Variants in KANK1 observed in about 807,000 individuals in gnomAD.
The protein encoded by KANK1 is KN motif and ankyrin repeat domain-containing protein 1.
In KANK1, 109 loss-of-function variants were observed where a neutral mutation model predicts 106.2. The observed-to-expected ratio is 1.03, with a 90% CI of 0.88 to 1.20. The LOEUF (loss-of-function observed/expected upper bound fraction) is 1.20. KANK1 is among the 50% of genes most tolerant of loss of function. The pLI is 0.00. For synonymous variants in KANK1, 873 were observed against 652.2 expected, an observed-to-expected ratio of 1.34 and a Z score of -5.16; for missense variants, 2,399 against 1,710.7, an observed-to-expected ratio of 1.40 and a Z score of -7.10.
rs142389102 is a variant in KANK1 at position 640,226 on chromosome 9, G to A, written c.-83-36664G>A. ...TCTGAATGGAAACTCCTTTTTGGGG[G>A]GCACACATCATTTTTATTTTATTTT... On this transcript the variant is annotated intron_variant, in intron 1 of 11. Coordinates refer to ENST00000382297, the MANE Select transcript of KANK1 (RefSeq NM_015158.5). Among the ~76,000 whole-genome samples, 84 of 152,060 alleles carry A rather than the reference G, an allele frequency of 5.5e-4. No homozygotes were observed. The South Asian group carries it at 0.013, about 24-fold the overall frequency.
intron 1 of KANK1, among the ~76,000 whole-genome samples, chr9:620,001 G>T (rs1832756208): frequency 6.6e-6 from 1 of 152,082 alleles, no homozygotes; most frequent in Non-Finnish European, 1.5e-5. Context: ...GCCTAGTGTG[G>T]TGGTGTGCGC....
chr9:624,887 G>A (rs912654337), intron 1 of KANK1, among the ~76,000 whole-genome samples: 1 of 152,218 alleles, frequency 6.6e-6, no homozygotes, highest in African/African-American at 2.4e-5. Context: ...CCATCTCTGA[G>A]GAAAAGGGGT....
intron 3 of KANK1, among the ~76,000 whole-genome samples, chr9:498,760 A>G (rs1030382620): frequency 3.3e-5 from 5 of 152,244 alleles, no homozygotes; most frequent in Non-Finnish European, 7.3e-5. Context: ...ATCTATAATC[A>G]AAAAGAGGAT....
At chr9:695,508 C>G (rs1259517181) in intron 2 of KANK1, among the ~76,000 whole-genome samples, 1 of 152,162 alleles carries the variant, frequency 6.6e-6, no homozygotes, top group East Asian at 1.9e-4. Context: ...GCATCTCCTT[C>G]ATACACTCTT....
intron 1 of KANK1, among the ~76,000 whole-genome samples, chr9:567,831 C>T (rs947419465): frequency 2.6e-5 from 4 of 152,252 alleles, no homozygotes; most frequent in East Asian, 1.9e-4. Flanking sequence ...CATTTGAGTA[C>T]GTTCTTGCAG....
At position 541,748 on chromosome 9, in the gene KANK1, A is replaced by G. The variant is rs182084036; in HGVS notation, c.-84+36994A>G. Among the ~76,000 whole-genome samples, 140 of 152,366 alleles carry G rather than the reference A, an allele frequency of 9.2e-4. 1 individual carries two copies. Among genetic ancestry groups the G allele is most frequent in the African/African-American group, 3.1e-3 (129 of 41,586 alleles). On this transcript the variant is annotated intron_variant, in intron 1 of 11. Coordinates refer to ENST00000382297, the MANE Select transcript of KANK1 (RefSeq NM_015158.5). Reference sequence around the variant, plus strand: ...GATAAGGGGTTAATATATAAAATATACAAGGAACCCATACAACTCAATAGC... The same window carrying G: ...GATAAGGGGTTAATATATAAAATATGCAAGGAACCCATACAACTCAATAGC...
Position 602,888 on chromosome 9 carries a change from C to T in KANK1, c.-83-74002C>T, listed in dbSNP as rs184814276. ...ATTTTTCATATTTTTGCTATTACAT[C>T]TCAACTCTTGAAGAGCTATTTCTGT... On this transcript the variant is annotated intron_variant, in intron 1 of 11. Transcript: ENST00000382297. Among the ~76,000 whole-genome samples the T allele has an allele frequency of 1.2e-4, 18 of 151,988 alleles. 1 individual carries two copies. The highest frequency in any genetic ancestry group is 9.8e-4 in the Admixed American group (15 of 15,292).
intron 1 of KANK1, among the ~76,000 whole-genome samples, chr9:571,054 T>C (rs1280648437): frequency 6.6e-6 from 1 of 152,178 alleles, no homozygotes; most frequent in East Asian, 1.9e-4. Context: ...TTTTGTCAAA[T>C]TGATTTCTTG....
chr9:524,556 C>A (rs1159875561), intron 1 of KANK1, among the ~76,000 whole-genome samples: 1 of 151,676 alleles, frequency 6.6e-6, no homozygotes, highest in Non-Finnish European at 1.5e-5. Flanking sequence ...CTTGGCCTGT[C>A]ACCCAGGCTG....
intron 1 of KANK1, among the ~76,000 whole-genome samples, chr9:673,180 A>ACACC (rs1588788248): frequency 6.7e-6 from 1 of 148,750 alleles, no homozygotes; most frequent in East Asian, 2.0e-4. Context: ...GCCAGGATTC[A>ACACC]CACCCAGTGA....
At chr9:667,114 T>A (rs748211680) in intron 1 of KANK1, among the ~76,000 whole-genome samples, 5 of 151,818 alleles carry the variant, frequency 3.3e-5, no homozygotes, top group Non-Finnish European at 5.9e-5. Flanking sequence ...ATTATAGCTT[T>A]GATCTTATTA....
At chr9:633,412 C>T (rs555518600) in intron 1 of KANK1, among the ~76,000 whole-genome samples, 7 of 152,182 alleles carry the variant, frequency 4.6e-5, no homozygotes, top group South Asian at 2.1e-4. Context: ...GAGCCGTGAT[C>T]GCGCCCCTGC....
intron 1 of KANK1, among the ~76,000 whole-genome samples, chr9:671,645 A>G (rs1211109617): frequency 1.3e-5 from 1 of 78,592 alleles, no homozygotes; most frequent in Non-Finnish European, 2.2e-5. Flanking sequence ...CTGGTTAAGT[A>G]CTGAGAAGCA....
At chr9:630,730 T>C (rs971127481) in intron 1 of KANK1, among the ~76,000 whole-genome samples, 17 of 151,076 alleles carry the variant, frequency 1.1e-4, no homozygotes, top group African/African-American at 4.1e-4. Flanking sequence ...GGTAAAACCC[T>C]GTGTCTACTA....
At position 731,224 on chromosome 9, in the gene KANK1, A is replaced by G. The variant is rs769214044; in HGVS notation, c.2963A>G (p.Asn988Ser). The change falls in exon 5 of 12, where the codon AAT (asparagine) becomes AGT (serine). Residue 988 changes from asparagine to serine, a missense_variant. Transcript: ENST00000382297. ...AAGAAAGATGGTAACAAAGATTCAA[A>G]TGGCGCAAAAAAGAATCTTCAGTTT... is the stretch of plus-strand genomic sequence containing the variant. Reference protein sequence around the residue: ...MKKKDGNKDSNGAKKNLQFVG... With the variant: ...MKKKDGNKDSSGAKKNLQFVG... 4.3e-6 allele frequency: 7 copies of G among 1,611,806 alleles called. No individual in the cohort carries two copies. The East Asian group carries it at 6.7e-5, about 15-fold the overall frequency.
intron 1 of KANK1, among the ~76,000 whole-genome samples, chr9:534,502 C>A (rs568003402): frequency 3.7e-4 from 57 of 152,308 alleles, no homozygotes; most frequent in African/African-American, 1.4e-3. Context: ...AAATCTGGAC[C>A]ATGTTGGCAG....
At chr9:515,640 C>T (rs2133027295) in intron 1 of KANK1, among the ~76,000 whole-genome samples, 1 of 151,918 alleles carries the variant, frequency 6.6e-6, no homozygotes, top group Non-Finnish European at 1.5e-5. Context: ...TTTTGCCTTT[C>T]ACTTTGACAT....
At position 712,151 on chromosome 9, in the gene KANK1, T is replaced by C. The variant is rs775774987; in HGVS notation, c.1385T>C (p.Ile462Thr). 3.1e-6 allele frequency: 5 copies of C among 1,614,048 alleles called. No individual in the cohort carries two copies. The highest frequency in any genetic ancestry group is 1.6e-4 in the Middle Eastern group (1 of 6,062). Residue 462 changes from isoleucine to threonine, a missense_variant, in exon 3 of 12, where the codon ATA becomes ACA. Transcript: ENST00000382297. Reference sequence around the variant, plus strand: ...GAAATTGAGCTGCAACAGCAGACCATAGAATCCTTGAAGGAAAAGATCTAT... The same window carrying C: ...GAAATTGAGCTGCAACAGCAGACCACAGAATCCTTGAAGGAAAAGATCTAT... Reference protein sequence around the residue: ...DKEIELQQQTIESLKEKIYRL... With the variant: ...DKEIELQQQTTESLKEKIYRL...
chr9:646,153 G>A (rs925650658), intron 1 of KANK1, among the ~76,000 whole-genome samples: 1 of 150,334 alleles, frequency 6.7e-6, no homozygotes, highest in African/African-American at 2.5e-5. Context: ...CAGAAAATAG[G>A]GATTATCACC....
Sources: allele counts gnomAD v4.1 joint callset (sites outside exome capture counted in the v4.1 genomes callset), GRCh38; gene constraint gnomAD v4.1.1; transcripts MANE v1.5; gene names NCBI Gene and HGNC (gene_info 2026-07-23, HGNC 2026-07-21).